Variants in GRM8 observed in about 807,000 individuals in gnomAD.
The protein encoded by GRM8 is glutamate metabotropic receptor 8.
GRM8 carries 47 observed loss-of-function variants against 87.2 expected under a neutral mutation model. That is an observed-to-expected ratio of 0.54 (90% CI 0.43 to 0.69). The LOEUF (loss-of-function observed/expected upper bound fraction) is 0.69, where lower values mean the gene tolerates loss of function less well. Ranked by LOEUF, GRM8 falls within the 30% of genes least tolerant of loss-of-function variation. GRM8 has a pLI of 0.00. For missense variants in GRM8, 1,019 were observed against 1,139.2 expected, an observed-to-expected ratio of 0.89 and a Z score of 1.52; for synonymous variants, 396 against 404.5, an observed-to-expected ratio of 0.98 and a Z score of 0.25.
intron 2 of GRM8, among the ~76,000 whole-genome samples, chr7:127,183,406 A>G (rs1479785121): frequency 6.6e-6 from 1 of 151,868 alleles, no homozygotes; most frequent in Non-Finnish European, 1.5e-5. Context: ...ACTGGAAAAT[A>G]GAAAAAAATG....
chr7:126,769,340 G>T (rs1490263770), intron 7 of GRM8, among the ~76,000 whole-genome samples: 4 of 151,998 alleles, frequency 2.6e-5, no homozygotes, highest in Admixed American at 1.3e-4. Context: ...TGCCTACATT[G>T]TGTGCATCCC....
At chr7:127,187,276 T>C (rs573609209) in intron 2 of GRM8, among the ~76,000 whole-genome samples, 1 of 152,288 alleles carries the variant, frequency 6.6e-6, no homozygotes, top group African/African-American at 2.4e-5. Context: ...ATCTAGGTTA[T>C]GATAACCCCA....
intron 2 of GRM8, among the ~76,000 whole-genome samples, chr7:127,109,789 G>A (rs1826177964): frequency 6.6e-6 from 1 of 152,124 alleles, no homozygotes; most frequent in Non-Finnish European, 1.5e-5. Context: ...TTAAACTGCT[G>A]CAGGAAATTT....
chr7:127,142,015 G>A (rs986973677), intron 2 of GRM8, among the ~76,000 whole-genome samples: 15 of 152,034 alleles, frequency 9.9e-5, no homozygotes, highest in African/African-American at 3.6e-4. Flanking sequence ...CCGGGTCTTG[G>A]TCTGTCACTC....
chr7:127,029,339 T>C (rs978134599), intron 3 of GRM8, among the ~76,000 whole-genome samples: 8 of 152,308 alleles, frequency 5.3e-5, no homozygotes, highest in Non-Finnish European at 1.2e-4. Context: ...TCTGTAGATG[T>C]CTATTAGGTC....
intron 3 of GRM8, among the ~76,000 whole-genome samples, chr7:127,022,406 A>G (rs577987897): frequency 6.6e-6 from 1 of 152,198 alleles, no homozygotes; most frequent in East Asian, 1.9e-4. Flanking sequence ...AAAAGACAAA[A>G]TATTATTTTT....
intron 3 of GRM8, among the ~76,000 whole-genome samples, chr7:127,020,468 C>G (rs1816149335): frequency 6.6e-6 from 1 of 152,034 alleles, no homozygotes; most frequent in African/African-American, 2.4e-5. Context: ...AGCCCCTTAC[C>G]AAGCATCACC....
chr7:126,655,234 T>C (rs77135247), intron 7 of GRM8, among the ~76,000 whole-genome samples: 3,684 of 152,322 alleles, frequency 0.024, 136 homozygotes, highest in African/African-American at 0.085. Flanking sequence ...GTTTTCAATG[T>C]AATATTCAGA....
At chr7:126,720,827 T>A (rs1394527285) in intron 7 of GRM8, among the ~76,000 whole-genome samples, 1 of 152,180 alleles carries the variant, frequency 6.6e-6, no homozygotes, top group Non-Finnish European at 1.5e-5. Context: ...AAGTAAACTT[T>A]CACTAGACAG....
chr7:126,534,410 T>C (rs906886325), intron 8 of GRM8, among the ~76,000 whole-genome samples: 1 of 152,244 alleles, frequency 6.6e-6, no homozygotes, highest in Admixed American at 6.5e-5. Context: ...CATGTGTTCA[T>C]GGAGATAACT....
At chr7:126,737,266 T>C (rs1814342091) in intron 7 of GRM8, among the ~76,000 whole-genome samples, 1 of 151,990 alleles carries the variant, frequency 6.6e-6, no homozygotes. Flanking sequence ...CCAAGATGGA[T>C]AAGCTGGTTC....
At chr7:127,140,793 T>A (rs746473357) in intron 2 of GRM8, among the ~76,000 whole-genome samples, 2 of 152,182 alleles carry the variant, frequency 1.3e-5, no homozygotes, top group Non-Finnish European at 2.9e-5. Flanking sequence ...TGTTTGTCAT[T>A]AAACCCATCC....
At chr7:126,841,892 A>G (rs1796301886) in intron 6 of GRM8, among the ~76,000 whole-genome samples, 2 of 152,098 alleles carry the variant, frequency 1.3e-5, no homozygotes, top group African/African-American at 2.4e-5. Context: ...TCGGCCTCCT[A>G]AAATGCTGGG....
At chr7:127,027,894 C>T (rs1816948397) in intron 3 of GRM8, among the ~76,000 whole-genome samples, 1 of 152,002 alleles carries the variant, frequency 6.6e-6, no homozygotes, top group South Asian at 2.1e-4. Flanking sequence ...GAGAGAGGTC[C>T]TCCTTGTCTT....
intron 7 of GRM8, among the ~76,000 whole-genome samples, chr7:126,756,154 A>C (rs1052979101): frequency 4.0e-5 from 6 of 151,770 alleles, no homozygotes; most frequent in Admixed American, 6.6e-5. Context: ...TCTCTAAGTG[A>C]AAAAAAAGGA....
intron 6 of GRM8, among the ~76,000 whole-genome samples, chr7:126,852,606 A>G (rs1376441975): frequency 3.3e-5 from 5 of 152,182 alleles, no homozygotes; most frequent in Admixed American, 3.3e-4. Context: ...TTTGTGCCAA[A>G]TTGGAACATT....
chr7:126,804,701 G>T (rs1396612489), intron 6 of GRM8, among the ~76,000 whole-genome samples: 1 of 152,188 alleles, frequency 6.6e-6, no homozygotes, highest in African/African-American at 2.4e-5. Flanking sequence ...TACAAATAGT[G>T]CCCCTTTCTT....
intron 9 of GRM8, among the ~76,000 whole-genome samples, chr7:126,484,368 T>C (rs1167972959): frequency 6.6e-6 from 1 of 151,998 alleles, no homozygotes; most frequent in Non-Finnish European, 1.5e-5. Context: ...GAATGACATC[T>C]AGAAAAGCAA....
At chr7:126,583,095 C>A (rs1795761451) in intron 8 of GRM8, among the ~76,000 whole-genome samples, 1 of 152,172 alleles carries the variant, frequency 6.6e-6, no homozygotes, top group Non-Finnish European at 1.5e-5. Context: ...GTGGCTCATG[C>A]CTGTAGTCCC....
Sources: allele counts gnomAD v4.1 joint callset (sites outside exome capture counted in the v4.1 genomes callset), GRCh38; gene constraint gnomAD v4.1.1; transcripts MANE v1.5; gene names NCBI Gene and HGNC (gene_info 2026-07-23, HGNC 2026-07-21).